The following RAB3C variants were observed in gnomAD, a reference collection of about 807,000 sequenced individuals.
RAB3C encodes ras-related protein Rab-3C.
In RAB3C, 17 loss-of-function variants were observed where a neutral mutation model predicts 26.4. That is an observed-to-expected ratio of 0.64 (90% CI 0.44 to 0.97). The LOEUF (loss-of-function observed/expected upper bound fraction) is 0.97, where lower values mean the gene tolerates loss of function less well. Among genes scored for constraint, RAB3C ranks in the 50% least tolerant of loss-of-function variants. RAB3C has a pLI of 0.00. For synonymous variants in RAB3C, 91 were observed against 95.9 expected, an observed-to-expected ratio of 0.95 and a Z score of 0.30; for missense variants, 242 against 281.9, an observed-to-expected ratio of 0.86 and a Z score of 1.01.
intron 2 of RAB3C, among the ~76,000 whole-genome samples, chr5:58,704,879 G>A (rs946283083): frequency 6.6e-6 from 1 of 152,058 alleles, no homozygotes; most frequent in African/African-American, 2.4e-5. Context: ...TTCACCATTA[G>A]TTAGCACAAT....
At chr5:58,773,356 G>T (rs1369956758) in intron 3 of RAB3C, among the ~76,000 whole-genome samples, 1 of 152,064 alleles carries the variant, frequency 6.6e-6, no homozygotes, top group Non-Finnish European at 1.5e-5. Context: ...CCAAATAAGG[G>T]ACTGTCCTAA....
At chr5:58,832,681 C>A (rs2112069221) in intron 4 of RAB3C, among the ~76,000 whole-genome samples, 1 of 152,308 alleles carries the variant, frequency 6.6e-6, no homozygotes, top group East Asian at 1.9e-4. Context: ...AGAAAGGTCA[C>A]ACTGTGGAGA....
intron 3 of RAB3C, among the ~76,000 whole-genome samples, chr5:58,799,009 T>G (rs904258039): frequency 3.3e-5 from 5 of 152,160 alleles, no homozygotes; most frequent in Non-Finnish European, 5.9e-5. Context: ...GTGTGCTCCT[T>G]AACTGGATCC....
At chr5:58,731,731 G>A (rs1264105147) in intron 3 of RAB3C, among the ~76,000 whole-genome samples, 1 of 152,170 alleles carries the variant, frequency 6.6e-6, no homozygotes, top group Non-Finnish European at 1.5e-5. Context: ...CTGGTAGAAG[G>A]AAGGAAGAAC....
chr5:58,847,044 C>T (rs2112086773), intron 4 of RAB3C: 1 of 152,158 alleles, frequency 6.6e-6, no homozygotes, highest in East Asian at 2.0e-4. Flanking sequence ...CAGTGCAAAG[C>T]TCATGCATCT....
chr5:58,704,096 C>G (rs999650199), intron 2 of RAB3C, among the ~76,000 whole-genome samples: 35 of 152,180 alleles, frequency 2.3e-4, no homozygotes, highest in African/African-American at 8.4e-4. Flanking sequence ...CTTCCCTATT[C>G]CAGACTGGAG....
chr5:58,680,994 G>A (rs1339637809), intron 2 of RAB3C, among the ~76,000 whole-genome samples: 1 of 152,096 alleles, frequency 6.6e-6, no homozygotes, highest in African/African-American at 2.4e-5. Context: ...TGGAATAAGG[G>A]CTAATTTTTA....
chr5:58,732,176 G>A (rs1468237374), intron 3 of RAB3C, among the ~76,000 whole-genome samples: 1 of 150,390 alleles, frequency 6.6e-6, no homozygotes, highest in Non-Finnish European at 1.5e-5. Flanking sequence ...ATGTATACAT[G>A]TGCCATGAAT....
intron 3 of RAB3C, among the ~76,000 whole-genome samples, chr5:58,779,152 A>C (rs1205619153): frequency 6.6e-6 from 1 of 152,082 alleles, no homozygotes; most frequent in Non-Finnish European, 1.5e-5. Context: ...AGGAGAGTCC[A>C]GTCTAGTGCC....
chr5:58,715,753 T>G (rs1350529141), intron 2 of RAB3C, among the ~76,000 whole-genome samples: 1 of 151,824 alleles, frequency 6.6e-6, no homozygotes, highest in African/African-American at 2.4e-5. Flanking sequence ...TACAAGACGA[T>G]GAGAGAGAAT....
chr5:58,660,872 T>C (rs1312093469), intron 2 of RAB3C, among the ~76,000 whole-genome samples: 1 of 150,092 alleles, frequency 6.7e-6, no homozygotes, highest in Non-Finnish European at 1.5e-5. Context: ...GAGACCTCAC[T>C]ATTGTCAAAT....
chr5:58,797,356 ATGTATATAT>A (rs1561133445), intron 3 of RAB3C, among the ~76,000 whole-genome samples: 1,131 of 33,604 alleles, frequency 0.034, 70 homozygotes, highest in Admixed American at 0.12. Context: ...AAAAAAAAAT[ATGTATATAT>A]ATAATATATA....
At position 58,743,812 on chromosome 5, in the gene RAB3C, C is replaced by T. The variant is rs555351782; in HGVS notation, c.371+17692C>T. Among the ~76,000 whole-genome samples the T allele has an allele frequency of 2.0e-5, 3 of 152,218 alleles. No homozygotes were observed. In the East Asian group the frequency reaches 5.8e-4, roughly 29 times the overall value. On this transcript the variant is annotated intron_variant, in intron 3 of 4. Transcript: ENST00000282878. ...TCACATTGAAAAATGAGAACTTTTC[C>T]CAAAGTAATTTTTTGGTCACATATT...
chr5:58,710,275 T>C (rs1187902525), intron 2 of RAB3C, among the ~76,000 whole-genome samples: 1 of 152,142 alleles, frequency 6.6e-6, no homozygotes. Flanking sequence ...ATATCATTAT[T>C]AATAGTAGTA....
chr5:58,733,311 T>A (rs1741066189), intron 3 of RAB3C, among the ~76,000 whole-genome samples: 1 of 152,158 alleles, frequency 6.6e-6, no homozygotes, highest in Non-Finnish European at 1.5e-5. Context: ...AGTGAAGTTG[T>A]CTTAATTAAT....
At chr5:58,847,547 A>C (rs937776965) in intron 4 of RAB3C, among the ~76,000 whole-genome samples, 1 of 152,208 alleles carries the variant, frequency 6.6e-6, no homozygotes, top group Non-Finnish European at 1.5e-5. Context: ...TAGTGAAAGA[A>C]CAAAGGCTGT....
intron 2 of RAB3C, among the ~76,000 whole-genome samples, chr5:58,666,985 T>G (rs1748015532): frequency 6.6e-6 from 1 of 152,202 alleles, no homozygotes; most frequent in African/African-American, 2.4e-5. Flanking sequence ...GCCATTAATG[T>G]TGGAAAACAA....
At chr5:58,716,344 T>C (rs2111905181) in intron 2 of RAB3C, among the ~76,000 whole-genome samples, 1 of 152,198 alleles carries the variant, frequency 6.6e-6, no homozygotes, top group African/African-American at 2.4e-5. Context: ...AGCGAGATGA[T>C]AACATCAAAC....
At chr5:58,741,728 G>A (rs1579892383) in intron 3 of RAB3C, 1 of 152,258 alleles carries the variant, frequency 6.6e-6, no homozygotes, top group East Asian at 1.9e-4. Context: ...AAGTTGGCCA[G>A]GTGTGGTGGC....
Sources: gnomAD v4.1 joint callset for allele counts (sites outside exome capture counted in the v4.1 genomes callset) on GRCh38, gnomAD v4.1.1 for gene constraint, MANE v1.5 for transcripts, NCBI Gene and HGNC (gene_info 2026-07-23, HGNC 2026-07-21) for gene names.